CPXM2: variants seen among roughly 807,000 people sequenced by gnomAD.
CPXM2 encodes the protein inactive carboxypeptidase-like protein X2.
Under a neutral mutation model 86.1 loss-of-function variants are expected in CPXM2, and 66 were observed. That is an observed-to-expected ratio of 0.77 (90% CI 0.63 to 0.94). CPXM2 has a LOEUF of 0.94. Among genes scored for constraint, CPXM2 ranks in the 40% least tolerant of loss-of-function variants. CPXM2 has a pLI of 0.00. For synonymous variants in CPXM2, 388 were observed against 400.2 expected (o/e 0.97, Z 0.36); for missense variants, 948 against 1,026.3 (o/e 0.92, Z 1.04).
At chr10:123,836,694 T>C (rs1012215804) in intron 4 of CPXM2, among the ~76,000 whole-genome samples, 1 of 152,186 alleles carries the variant, frequency 6.6e-6, no homozygotes, top group Non-Finnish European at 1.5e-5. Flanking sequence ...CTCCACCTCC[T>C]ACTTCACCAA....
intron 3 of CPXM2, among the ~76,000 whole-genome samples, chr10:123,846,553 T>A (rs1258802122): frequency 6.6e-6 from 1 of 152,174 alleles, no homozygotes; most frequent in Non-Finnish European, 1.5e-5. Flanking sequence ...GGCCATAGAT[T>A]GGTACTGGTC....
chr10:123,879,777 C>T (rs949163448), intron 2 of CPXM2, among the ~76,000 whole-genome samples: 4 of 152,046 alleles, frequency 2.6e-5, no homozygotes, highest in African/African-American at 7.2e-5. Context: ...TGTGAGATGC[C>T]GGCCTAGCAC....
At position 123,891,238 on chromosome 10, in the gene CPXM2, AG is replaced by A. The variant is rs1242222910; in HGVS notation, c.304+117del. On this transcript the variant is annotated intron_variant, in intron 1 of 13. Transcript: ENST00000241305. The surrounding 1 kb of genome is among the most constrained non-coding windows in gnomAD (Gnocchi z 5.6). The stretch of plus-strand genomic sequence containing the variant: ...TCCCTAGGGAGGCAGAGGCGGCAAC[AG>A]GGAGATTCCCGGGACTGGCCCATCC... The A allele has an allele frequency of 1.4e-5, 12 of 865,226 alleles. No homozygotes were observed. In the East Asian group the frequency reaches 3.3e-4, roughly 24 times the overall value. 53.6% of individuals were successfully genotyped at this position (865,226 alleles called of 1,614,324 possible).
intron 5 of CPXM2, among the ~76,000 whole-genome samples, 167 bp from the exon 6 acceptor site, chr10:123,798,293 G>C (rs927319609): frequency 6.6e-6 from 1 of 151,246 alleles, no homozygotes; most frequent in Non-Finnish European, 1.5e-5. Flanking sequence ...CCTGGATCCT[G>C]CCCTCAGGAA....
chr10:123,839,595 A>T (rs952649909), intron 4 of CPXM2, among the ~76,000 whole-genome samples: 8 of 152,210 alleles, frequency 5.3e-5, no homozygotes, highest in Admixed American at 5.2e-4. Context: ...AACAACAGAA[A>T]TATAAAAAAA....
At chr10:123,903,916 G>T (rs1291286921) in intron 2 of CPXM2, among the ~76,000 whole-genome samples, 2 of 152,184 alleles carry the variant, frequency 1.3e-5, no homozygotes, top group East Asian at 3.9e-4. Flanking sequence ...TCTGGCGTGG[G>T]TTTGCCTGGC....
At chr10:123,774,829 C>T (rs968623111) in intron 7 of CPXM2, among the ~76,000 whole-genome samples, 1 of 152,190 alleles carries the variant, frequency 6.6e-6, no homozygotes, top group Non-Finnish European at 1.5e-5. Context: ...CTTCTACAGC[C>T]ATCACCATGA....
chr10:123,756,563 A>T (rs1468068061), intron 12 of CPXM2, among the ~76,000 whole-genome samples: 1 of 152,160 alleles, frequency 6.6e-6, no homozygotes, highest in Non-Finnish European at 1.5e-5. Context: ...TTAGGGACTC[A>T]GTTGTGTCCC....
intron 4 of CPXM2, among the ~76,000 whole-genome samples, chr10:123,812,900 C>T (rs377403379): frequency 1.0e-3 from 157 of 152,290 alleles, no homozygotes; most frequent in African/African-American, 3.5e-3. Flanking sequence ...AGGTTGGGGA[C>T]TGCTGTTCTA....
At chr10:123,799,031 A>G in intron 5 of CPXM2, 84 bp downstream of exon 5, 1 of 1,489,264 alleles carries the variant, frequency 6.7e-7, no homozygotes, top group African/African-American at 1.4e-5. Context: ...CAAATCTCCA[A>G]AGAGTTGATC....
intron 13 of CPXM2, among the ~76,000 whole-genome samples, chr10:123,753,026 A>C (rs1049060491): frequency 2.0e-5 from 3 of 152,154 alleles, no homozygotes; most frequent in African/African-American, 7.2e-5. Flanking sequence ...AGGGACCAAC[A>C]GTGCAGCGGG....
At chr10:123,824,801 A>T (rs1848012587) in intron 4 of CPXM2, among the ~76,000 whole-genome samples, 1 of 152,228 alleles carries the variant, frequency 6.6e-6, no homozygotes. Context: ...CTATTACAGT[A>T]GCTCAACACA....
At chr10:123,782,433 A>G (rs1278035120) in intron 6 of CPXM2, among the ~76,000 whole-genome samples, 1 of 152,206 alleles carries the variant, frequency 6.6e-6, no homozygotes, top group Non-Finnish European at 1.5e-5. Flanking sequence ...AAAGAGCTCT[A>G]TGTTTGGCAA....
At chr10:123,834,048 C>T (rs939706849) in intron 4 of CPXM2, among the ~76,000 whole-genome samples, 2 of 152,134 alleles carry the variant, frequency 1.3e-5, no homozygotes, top group South Asian at 2.1e-4. Flanking sequence ...AACTGAGGCC[C>T]GAAAGGCTCA....
intron 2 of CPXM2, among the ~76,000 whole-genome samples, chr10:123,930,727 A>G (rs1945660703): frequency 6.6e-6 from 1 of 152,248 alleles, no homozygotes; most frequent in Non-Finnish European, 1.5e-5. Context: ...TAAAGCAGGA[A>G]AAGATATCCA....
intron 13 of CPXM2, 113 bp from the exon 14 acceptor site, chr10:123,747,130 C>T (rs567496842): frequency 2.6e-5 from 34 of 1,290,046 alleles, no homozygotes; most frequent in East Asian, 9.3e-5. Context: ...AGGCTGGCAA[C>T]GTGGAATCCG....
At chr10:123,934,502 T>C (rs139449085) in intron 2 of CPXM2, among the ~76,000 whole-genome samples, 11 of 152,208 alleles carry the variant, frequency 7.2e-5, no homozygotes, top group African/African-American at 1.9e-4. Flanking sequence ...ACACCCATCA[T>C]ACTGGATTTA....
chr10:123,821,595 A>G (rs1447326117), intron 4 of CPXM2, among the ~76,000 whole-genome samples: 1 of 152,210 alleles, frequency 6.6e-6, no homozygotes, highest in African/African-American at 2.4e-5. Context: ...AGGTATACCA[A>G]TTGTATTTGA....
chr10:123,823,173 G>A (rs1043992948), intron 4 of CPXM2, among the ~76,000 whole-genome samples: 4 of 151,946 alleles, frequency 2.6e-5, no homozygotes, highest in African/African-American at 9.7e-5. Flanking sequence ...ATGTACCATC[G>A]AAATAAAGGA....
Sources: gnomAD v4.1 joint callset for allele counts (sites outside exome capture counted in the v4.1 genomes callset) on GRCh38, gnomAD v4.1.1 for gene constraint, Gnocchi (gnomAD v3.1) non-coding constraint, MANE v1.5 for transcripts, NCBI Gene and HGNC (gene_info 2026-07-23, HGNC 2026-07-21) for gene names.